PKHD1L1: variants seen among roughly 807,000 people sequenced by gnomAD.
The protein encoded by PKHD1L1 is PKHD1 like 1.
In PKHD1L1, 434 loss-of-function variants were observed where a neutral mutation model predicts 462.9. That is an observed-to-expected ratio of 0.94 (90% CI 0.87 to 1.02). The LOEUF is 1.02. PKHD1L1 is among the 50% of genes least tolerant of loss of function. PKHD1L1 has a pLI of 0.00. For synonymous variants in PKHD1L1, 1,781 were observed against 1,750.0 expected (o/e 1.02, Z -0.44); for missense variants, 5,202 against 5,096.1 (o/e 1.02, Z -0.63).
At position 109,486,913 on chromosome 8, in the gene PKHD1L1, T is replaced by C. The variant is rs1818558689; in HGVS notation, c.9880+92T>C. On this transcript the variant is annotated intron_variant, in intron 59 of 77. Coordinates refer to ENST00000378402, the MANE Select transcript of PKHD1L1 (RefSeq NM_177531.6). Reference sequence around the variant, plus strand: ...TCTTACATAATTCTCACTTTTTTAATAAGATTATGTGGGAAAATAAAGCAT... The same window carrying C: ...TCTTACATAATTCTCACTTTTTTAACAAGATTATGTGGGAAAATAAAGCAT... The C allele has an allele frequency of 3.1e-6, 4 of 1,269,872 alleles. No individual in the cohort carries two copies. In the African/African-American group the frequency reaches 6.1e-5, roughly 19 times the overall value. The allele number at this position is 1,269,872 out of a possible 1,614,324, so 78.7% of individuals were successfully genotyped here.
intron 53 of PKHD1L1, among the ~76,000 whole-genome samples, chr8:109,478,244 T>C (rs966202881): frequency 2.0e-5 from 3 of 152,176 alleles, no homozygotes; most frequent in Admixed American, 1.3e-4. Flanking sequence ...TTTGTTTATA[T>C]ATTCATTCAA....
At position 109,465,044 on chromosome 8, in the gene PKHD1L1, G is replaced by C. The variant is rs201911862; in HGVS notation, c.8212G>C (p.Val2738Leu). 9 of 1,613,848 alleles carry C rather than the reference G, an allele frequency of 5.6e-6. No individual in the cohort carries two copies. The East Asian group carries it at 1.8e-4, about 32-fold the overall frequency. Residue 2738 changes from valine (V) to leucine (L), a missense_variant, in exon 49 of 78, where the codon GTC (valine) becomes CTC (leucine). This residue lies in a region of PKHD1L1 where 4,497 missense variants were observed against 4,336.8 expected (regional missense o/e 1.04). Transcript: ENST00000378402. The stretch of plus-strand genomic sequence containing the variant: ...TCTCCCATTTAGTGAAGGCTTGACT[G>C]TCTCTTCTGTGCACTTTATGAACTT... ...LVLPFSEGLT[V>L]SSVHFMNFDR...
At chr8:109,363,711 G>T (rs1447045313) in intron 1 of PKHD1L1, among the ~76,000 whole-genome samples, 1 of 152,094 alleles carries the variant, frequency 6.6e-6, no homozygotes, top group Non-Finnish European at 1.5e-5. Flanking sequence ...AATCCTGTTT[G>T]CCCGGGCAGT....
chr8:109,506,705 T>C (rs956179889), intron 68 of PKHD1L1, among the ~76,000 whole-genome samples: 2 of 152,202 alleles, frequency 1.3e-5, no homozygotes, highest in African/African-American at 2.4e-5. Flanking sequence ...CTAAAACTTG[T>C]ATATTATGTA....
rs1467697716 is a variant in PKHD1L1 at position 109,409,904 on chromosome 8, C to T, written c.2011C>T (p.Pro671Ser). The change falls in exon 19 of 78, where the codon CCA (proline) becomes TCA (serine). Residue 671 changes from proline (P) to serine (S), a missense_variant. Physicochemically the swap from Pro to Ser is moderately conservative, Grantham distance 74. Around this residue, in one of 3 missense-constraint regions of PKHD1L1, gnomAD observed 4,497 missense variants for 4,336.8 expected, o/e 1.04. Transcript: ENST00000378402. ...AVEEMVSTKC[P>S]PQIANFEEGF... ...GGAAGAAATGGTTAGCACTAAGTGT[C>T]CACCACAAATTGCAAATTTTGAAGA... 3.7e-6 allele frequency: 6 copies of T among 1,606,274 alleles called. No homozygotes were observed. In the Admixed American group the frequency reaches 6.8e-5, roughly 18 times the overall value.
chr8:109,504,212 A>C, intron 67 of PKHD1L1, 115 bp from the exon 68 acceptor site: 19 of 580,114 alleles, frequency 3.3e-5, no homozygotes, highest in Non-Finnish European at 4.5e-5. Flanking sequence ...CATATCAGGC[A>C]AGAGCTCCAT....
At chr8:109,500,536 AAAAC>A (rs1247185593) in intron 67 of PKHD1L1, among the ~76,000 whole-genome samples, 5,821 of 140,936 alleles carry the variant, frequency 0.041, 298 homozygotes, top group African/African-American at 0.11. Context: ...AAAAAAAAAA[AAAAC>A]CTAGCTGGGC....
chr8:109,375,532 C>T (rs1158871270), intron 2 of PKHD1L1, among the ~76,000 whole-genome samples: 1 of 152,128 alleles, frequency 6.6e-6, no homozygotes, highest in South Asian at 2.1e-4. Context: ...AGCTTTGTTC[C>T]GTTGCTGGTG....
At chr8:109,443,167 TG>T in intron 36 of PKHD1L1, 51 bp downstream of exon 36, 1 of 1,560,254 alleles carries the variant, frequency 6.4e-7, no homozygotes, top group East Asian at 2.3e-5. Context: ...CCAGGGTGTA[TG>T]TGATATTTCT....
chr8:109,462,915 A>T (rs956954238), intron 48 of PKHD1L1, among the ~76,000 whole-genome samples: 2 of 152,084 alleles, frequency 1.3e-5, no homozygotes, highest in Admixed American at 1.3e-4. Flanking sequence ...TTTCAGTCAG[A>T]TCTTTTGACA....
At position 109,459,657 on chromosome 8, in the gene PKHD1L1, T is replaced by C. The variant is rs372206591; in HGVS notation, c.7067T>C (p.Ile2356Thr). ...IASVSADGINITLSNPLNYTH... is the reference protein window; with the variant it reads ...IASVSADGINTTLSNPLNYTH... Reference sequence around the variant, plus strand: ...TCTGTGTCTGCTGATGGCATAAACATAACACTAAGTAACCCACTAAATTAC... The same window carrying C: ...TCTGTGTCTGCTGATGGCATAAACACAACACTAAGTAACCCACTAAATTAC... The change falls in exon 47 of 78, where the codon ATA (isoleucine) becomes ACA (threonine). Residue 2356 changes from isoleucine (I) to threonine (T), a missense_variant. By Grantham distance (89) the Ile-to-Thr change is moderately conservative. Around this residue, in one of 3 missense-constraint regions of PKHD1L1, gnomAD observed 4,497 missense variants for 4,336.8 expected, o/e 1.04. Coordinates refer to ENST00000378402, the MANE Select transcript of PKHD1L1 (RefSeq NM_177531.6). The C allele has an allele frequency of 3.7e-6, 6 of 1,606,212 alleles. No homozygotes were observed. The highest frequency in any genetic ancestry group is 1.6e-4 in the Middle Eastern group (1 of 6,068).
Position 109,372,817 on chromosome 8 carries a change from G to T in PKHD1L1, c.163+8181G>T, listed in dbSNP as rs574985533. On this transcript the variant is annotated intron_variant, in intron 2 of 77. Coordinates refer to ENST00000378402, the MANE Select transcript of PKHD1L1 (RefSeq NM_177531.6). ...TATGCTGGATTATGTTTATTGATTT[G>T]CATATATTGAACCAGCCTTGCATCC... Among the ~76,000 whole-genome samples the T allele has an allele frequency of 3.2e-4, 48 of 152,128 alleles. No homozygotes were observed. In the South Asian group the frequency reaches 4.4e-3, roughly 14 times the overall value.
chr8:109,462,378 A>G (rs910651659), intron 48 of PKHD1L1, among the ~76,000 whole-genome samples: 6 of 152,146 alleles, frequency 3.9e-5, no homozygotes, highest in Admixed American at 3.3e-4. Flanking sequence ...CAACAGGTCC[A>G]AGTCCATCCC....
At position 109,419,252 on chromosome 8, in the gene PKHD1L1, C is replaced by T; in HGVS notation, c.2516C>T (p.Thr839Ile). 1 of 1,597,976 alleles carries T rather than the reference C, an allele frequency of 6.3e-7. No homozygotes were observed. ...VYIGHTSTIS[T>I]LDEMPKRRLP... ...ATTGGACACACATCTACAATCTCAA[C>T]ATTGGATGGTATGTTGTATCATTTT... Residue 839 changes from threonine to isoleucine, a missense_variant, in exon 22 of 78, where the codon ACA (threonine) becomes ATA (isoleucine). Physicochemically the swap from Thr to Ile is moderately conservative, Grantham distance 89. Transcript: ENST00000378402.
At chr8:109,522,364 C>A in intron 74 of PKHD1L1, 27 bp downstream of exon 74, 3 of 1,506,042 alleles carry the variant, frequency 2.0e-6, no homozygotes, top group South Asian at 2.6e-5. Flanking sequence ...AGAAAAAATG[C>A]ATTTTTTGGG....
intron 21 of PKHD1L1, among the ~76,000 whole-genome samples, chr8:109,417,947 T>A (rs922272034): frequency 3.3e-5 from 5 of 152,202 alleles, no homozygotes; most frequent in African/African-American, 1.2e-4. Context: ...ACACTGTTAG[T>A]GTTAAAAGTG....
intron 20 of PKHD1L1, 74 bp downstream of exon 20, chr8:109,412,488 A>T: frequency 7.1e-7 from 1 of 1,409,962 alleles, no homozygotes; most frequent in South Asian, 1.4e-5. Flanking sequence ...AAATTTTAAG[A>T]CAAGAAAAAA....
chr8:109,399,890 A>G (rs1343697311), intron 12 of PKHD1L1, among the ~76,000 whole-genome samples, 186 bp from the exon 13 acceptor site: 1 of 152,196 alleles, frequency 6.6e-6, no homozygotes, highest in Non-Finnish European at 1.5e-5. Flanking sequence ...TGAAGTAATA[A>G]TGAACAAATT....
At chr8:109,523,508 A>G in intron 76 of PKHD1L1, 122 bp downstream of exon 76, 1 of 966,558 alleles carries the variant, frequency 1.0e-6, no homozygotes, top group Non-Finnish European at 1.4e-6. Flanking sequence ...TCAGAATGCT[A>G]TATTTTGCCT....
Sources: allele counts gnomAD v4.1 joint callset (sites outside exome capture counted in the v4.1 genomes callset), GRCh38; gene constraint gnomAD v4.1.1; regional missense constraint gnomAD v4.1.1; transcripts MANE v1.5; gene names NCBI Gene and HGNC (gene_info 2026-07-23, HGNC 2026-07-21).